TEKT3: variants seen among roughly 807,000 people sequenced by gnomAD.
TEKT3 encodes the protein tektin-3.
In TEKT3, 49 loss-of-function variants were observed where a neutral mutation model predicts 49.8. That is an observed-to-expected ratio of 0.98 (90% confidence interval 0.78 to 1.25). TEKT3 has a LOEUF of 1.25. Ranked by LOEUF, TEKT3 falls within the 50% of genes most tolerant of loss-of-function variation. TEKT3 has a pLI of 0.00. For synonymous variants in TEKT3, 225 were observed against 237.2 expected, an observed-to-expected ratio of 0.95 and a Z score of 0.47; for missense variants, 595 against 629.5, an observed-to-expected ratio of 0.95 and a Z score of 0.59.
rs1249261911 is a variant in TEKT3, at chr17:15,331,612, C to G, written c.-27G>C. On this transcript the variant is annotated splice_region_variant and 5_prime_UTR_variant, in exon 3 of 9. Coordinates refer to ENST00000395930, the MANE Select transcript of TEKT3 (RefSeq NM_031898.3). ...ATGCCAAAACACTATTTGTAAATCT[C>G]TCCTGTTAAAAAATAAAAAGTAAAA... 6.4e-7 allele frequency: 1 copy of G among 1,567,954 alleles called. No individual in the cohort carries two copies. The highest frequency in any genetic ancestry group is 8.6e-7 in the Non-Finnish European group (1 of 1,156,610).
chr17:15,314,355 C>T (rs897919694), intron 5 of TEKT3, 125 bp from the exon 6 acceptor site: 28 of 1,332,824 alleles, frequency 2.1e-5, no homozygotes, highest in Non-Finnish European at 2.9e-5. Context: ...CCTCTTCACA[C>T]AGCGTTCAAT....
At chr17:15,314,338 A>G (rs901074552) in intron 5 of TEKT3, 108 bp from the exon 6 acceptor site, 2 of 1,433,072 alleles carry the variant, frequency 1.4e-6, no homozygotes, top group Admixed American at 1.9e-5. Flanking sequence ...TGCTCTCACC[A>G]TCTCTCCCTC....
Position 15,330,684 on chromosome 17 carries a change from C to A in TEKT3, c.579+323G>T, listed in dbSNP as rs542671183. 3.2e-4 allele frequency among the ~76,000 whole-genome samples: 49 copies of A among 152,266 alleles called. No homozygotes were observed. The Middle Eastern group carries it at 0.01, about 32-fold the overall frequency. On this transcript the variant is annotated intron_variant, in intron 3 of 8. Transcript: ENST00000395930. Reference sequence around the variant, plus strand: ...ATAAATTACTGAGTCTCAGGTATTTCTTTATAGCAATGTGAGAATGGCGGA... The same window carrying A: ...ATAAATTACTGAGTCTCAGGTATTTATTTATAGCAATGTGAGAATGGCGGA...
intron 4 of TEKT3, among the ~76,000 whole-genome samples, chr17:15,320,337 T>C (rs932496978): frequency 6.6e-6 from 1 of 152,224 alleles, no homozygotes; most frequent in East Asian, 1.9e-4. Flanking sequence ...TTTTCATTTG[T>C]GAGGGTTATA....
At chr17:15,318,609 A>G (rs1911120481) in intron 5 of TEKT3, among the ~76,000 whole-genome samples, 1 of 152,100 alleles carries the variant, frequency 6.6e-6, no homozygotes, top group Admixed American at 6.5e-5. Context: ...ATCAGAGCTC[A>G]TCACTGCAGC....
At chr17:15,306,089 A>ATGTGTGTGTGTGTGTG (rs58688985) in intron 8 of TEKT3, among the ~76,000 whole-genome samples, 12 of 144,314 alleles carry the variant, frequency 8.3e-5, no homozygotes, top group Non-Finnish European at 1.8e-4. Flanking sequence ...ATTTATATAT[A>ATGTGTGTGTGTGTGTG]TGTGTGTGTG....
chr17:15,308,901 A>G, intron 7 of TEKT3, 83 bp from the exon 8 acceptor site: 2 of 1,530,126 alleles, frequency 1.3e-6, no homozygotes, highest in Non-Finnish European at 1.8e-6. Context: ...TGTCCACTCC[A>G]TGTCCAGCAC....
chr17:15,317,890 T>C (rs935450522), intron 5 of TEKT3, among the ~76,000 whole-genome samples: 1 of 151,850 alleles, frequency 6.6e-6, no homozygotes, highest in South Asian at 2.1e-4. Context: ...ATGTGTATTC[T>C]AGTGAGGAAT....
chr17:15,328,001 T>C lies in TEKT3; in HGVS notation c.654A>G (p.Gln218=), dbSNP rs1396058425. Residue 218 remains glutamine, a synonymous_variant, in exon 4 of 9, where the codon CAA becomes CAG. Transcript: ENST00000395930. The part of the protein sequence containing the change: ...IDLVHDEVEA[Q]LLTEVDTILC... ...TTTCCCCCACATTTACCGTCAGCAG[T>C]TGTGCTTCAACTTCATCGTGAACTA... 5.0e-6 allele frequency: 8 copies of C among 1,613,986 alleles called. No individual in the cohort carries two copies. Among genetic ancestry groups the C allele is most frequent in the Non-Finnish European group, 5.9e-6 (7 of 1,179,858 alleles).
intron 4 of TEKT3, among the ~76,000 whole-genome samples, chr17:15,324,429 T>C (rs1203292938): frequency 1.3e-5 from 2 of 152,186 alleles, no homozygotes; most frequent in East Asian, 3.9e-4. Flanking sequence ...TGTTTGGGCA[T>C]ATGTTTTCTT....
intron 5 of TEKT3, among the ~76,000 whole-genome samples, chr17:15,316,216 T>C (rs1474767531): frequency 2.6e-5 from 4 of 152,176 alleles, no homozygotes; most frequent in African/African-American, 9.7e-5. Flanking sequence ...GACCAAGATG[T>C]CCCACAAGCT....
intron 2 of TEKT3, among the ~76,000 whole-genome samples, chr17:15,331,973 G>A (rs906147422): frequency 1.3e-5 from 2 of 152,116 alleles, no homozygotes; most frequent in Non-Finnish European, 2.9e-5. Context: ...GAAGTCAGGA[G>A]TTCGAGACCA....
At position 15,327,968 on chromosome 17, in the gene TEKT3, C is replaced by T. The variant is rs755534174; in HGVS notation, c.663+24G>A. On this transcript the variant is annotated intron_variant, in intron 4 of 8. Coordinates refer to ENST00000395930, the MANE Select transcript of TEKT3 (RefSeq NM_031898.3). ...ACATTTACAACTAAGCTGCCTGTGACTGATGCATTTCCCCCACATTTACCG... is the reference window on the plus strand; with the variant it reads ...ACATTTACAACTAAGCTGCCTGTGATTGATGCATTTCCCCCACATTTACCG... 41 of 1,603,312 alleles carry T rather than the reference C, an allele frequency of 2.6e-5. 1 individual carries two copies. Among genetic ancestry groups the T allele is most frequent in the Admixed American group, 1.0e-4 (6 of 59,994 alleles).
chr17:15,312,889 G>T (rs2150736635), intron 6 of TEKT3, among the ~76,000 whole-genome samples: 1 of 152,300 alleles, frequency 6.6e-6, no homozygotes, highest in Non-Finnish European at 1.5e-5. Flanking sequence ...ATGATCATTT[G>T]CAGTGCTGGC....
chr17:15,337,768 G>A (rs2150755473), intron 2 of TEKT3, among the ~76,000 whole-genome samples: 1 of 152,246 alleles, frequency 6.6e-6, no homozygotes, highest in South Asian at 2.1e-4. Context: ...TTGAACCTGG[G>A]AGGCGGAGGT....
chr17:15,317,507 C>T (rs974072440), intron 5 of TEKT3, among the ~76,000 whole-genome samples: 10 of 152,146 alleles, frequency 6.6e-5, no homozygotes, highest in African/African-American at 2.2e-4. Flanking sequence ...ATTAAAAAAC[C>T]CTTCCAGTCA....
intron 6 of TEKT3, among the ~76,000 whole-genome samples, chr17:15,313,772 G>T (rs1910868811): frequency 6.6e-6 from 1 of 152,154 alleles, no homozygotes. Flanking sequence ...GCATCCCAAA[G>T]TGCAGGGATT....
At chr17:15,306,890 G>C (rs1371848003) in intron 8 of TEKT3, 3 of 152,210 alleles carry the variant, frequency 2.0e-5, no homozygotes, top group African/African-American at 4.8e-5. Flanking sequence ...CCAGTTGGCT[G>C]TCTAGGGGCC....
intron 7 of TEKT3, 53 bp from the exon 8 acceptor site, chr17:15,308,871 C>T (rs1910652618): frequency 3.1e-6 from 5 of 1,590,822 alleles, no homozygotes; most frequent in Non-Finnish European, 4.3e-6. Flanking sequence ...CCTTCAACAA[C>T]CCGCCTCCCA....
Sources: gnomAD v4.1 joint callset for allele counts (sites outside exome capture counted in the v4.1 genomes callset) on GRCh38, gnomAD v4.1.1 for gene constraint, MANE v1.5 for transcripts, NCBI Gene and HGNC (gene_info 2026-07-23, HGNC 2026-07-21) for gene names.